The following CDH18 variants were observed in gnomAD, a reference collection of about 807,000 sequenced individuals.
CDH18 encodes cadherin-18.
In CDH18, 31 loss-of-function variants were observed where a neutral mutation model predicts 67.9. The observed-to-expected ratio is 0.46, with a 90% CI of 0.34 to 0.62. The LOEUF is 0.62. CDH18 is among the 20% of genes least tolerant of loss of function. The probability of loss-of-function intolerance (pLI) is 0.01; values close to 1 mark genes in which losing one functional copy is unlikely to be tolerated. For synonymous variants in CDH18, 362 were observed against 347.2 expected, an observed-to-expected ratio of 1.04 and a Z score of -0.48; for missense variants, 890 against 975.5, an observed-to-expected ratio of 0.91 and a Z score of 1.17.
chr5:20,141,084 C>T (rs1467314486), intron 2 of CDH18, among the ~76,000 whole-genome samples: 1 of 152,072 alleles, frequency 6.6e-6, no homozygotes, highest in Admixed American at 6.6e-5. Context: ...CTCTGCATCC[C>T]CAGGAAGAAA....
At chr5:19,681,999 T>C (rs571306326) in intron 5 of CDH18, among the ~76,000 whole-genome samples, 2 of 152,218 alleles carry the variant, frequency 1.3e-5, no homozygotes, top group East Asian at 3.9e-4. Flanking sequence ...AGTTTCTGAG[T>C]AGTTCTTTAA....
At chr5:19,902,329 T>C (rs1790028997) in intron 2 of CDH18, among the ~76,000 whole-genome samples, 1 of 152,138 alleles carries the variant, frequency 6.6e-6, no homozygotes, top group Admixed American at 6.6e-5. Flanking sequence ...AAATCACTTC[T>C]GGGATCCTTA....
At chr5:19,703,821 T>C (rs1262562225) in intron 5 of CDH18, among the ~76,000 whole-genome samples, 1 of 149,056 alleles carries the variant, frequency 6.7e-6, no homozygotes, top group Non-Finnish European at 1.5e-5. Flanking sequence ...TATTAATCAA[T>C]ATGGACTAGG....
intron 2 of CDH18, among the ~76,000 whole-genome samples, chr5:20,063,791 C>A (rs1014902429): frequency 6.6e-6 from 1 of 152,112 alleles, no homozygotes; most frequent in Admixed American, 6.6e-5. Context: ...AATGTACCAA[C>A]CTTATACTTT....
Position 19,811,078 on chromosome 5 carries a change from AAAAGAAAGAAAGAAAGAAAG to A in CDH18, c.228+27661_228+27680del, listed in dbSNP as rs573517217. 2.9e-3 allele frequency among the ~76,000 whole-genome samples: 363 copies of A among 124,880 alleles called. 4 individuals are homozygous for A. The East Asian group carries it at 0.049, about 17-fold the overall frequency. The allele number at this position is 124,880 out of a possible 152,430, so 81.9% of individuals were successfully genotyped here. A position where few individuals can be genotyped will look rare whatever the true frequency, so the allele number is the denominator to read the frequency against. ...AAGGAAAAGGGAAGGGAGAAAGAGAAAAAGAAAGAAAGAAAGAAAGAAAGAAAGAAAGAAAGAAAGAAAGA... is the reference window on the plus strand; with the variant it reads ...AAGGAAAAGGGAAGGGAGAAAGAGAAAAAGAAAGAAAGAAAGAAAGAAAGA... On this transcript the variant is annotated intron_variant, in intron 3 of 12. Transcript: ENST00000382275.
At chr5:20,120,612 A>T (rs1384918470) in intron 2 of CDH18, among the ~76,000 whole-genome samples, 1 of 152,132 alleles carries the variant, frequency 6.6e-6, no homozygotes, top group African/African-American at 2.4e-5. Flanking sequence ...AAGAAATTTC[A>T]TTGGAAAATT....
chr5:19,912,358 T>C (rs775641375), intron 2 of CDH18, among the ~76,000 whole-genome samples: 5 of 152,000 alleles, frequency 3.3e-5, no homozygotes, highest in Non-Finnish European at 7.4e-5. Context: ...GAGATAAAAA[T>C]TGAAGAGCAT....
At chr5:20,095,381 AAAG>A (rs1164973580) in intron 2 of CDH18, among the ~76,000 whole-genome samples, 12 of 124,330 alleles carry the variant, frequency 9.7e-5, no homozygotes, top group South Asian at 2.5e-4. Context: ...GAAAGAAAGA[AAAG>A]AGAAACAGAA....
At chr5:20,572,708 C>T (rs1003665927) in intron 1 of CDH18, among the ~76,000 whole-genome samples, 3 of 152,080 alleles carry the variant, frequency 2.0e-5, no homozygotes, top group East Asian at 1.9e-4. Flanking sequence ...GAAGAAAGAG[C>T]CCCCTAATGG....
chr5:19,553,659 G>C (rs1467677830), intron 8 of CDH18, among the ~76,000 whole-genome samples: 1 of 118,604 alleles, frequency 8.4e-6, no homozygotes, highest in African/African-American at 3.4e-5. Context: ...TTTTTTTTGA[G>C]ACACAGGGTA....
chr5:20,483,987 A>G (rs1414014699), intron 1 of CDH18, among the ~76,000 whole-genome samples: 2 of 152,092 alleles, frequency 1.3e-5, no homozygotes, highest in African/African-American at 4.8e-5. Flanking sequence ...AAACAAAGTG[A>G]AGAGACAATC....
At chr5:20,457,466 A>G (rs1750917690) in intron 1 of CDH18, among the ~76,000 whole-genome samples, 1 of 152,168 alleles carries the variant, frequency 6.6e-6, no homozygotes, top group Non-Finnish European at 1.5e-5. Flanking sequence ...AGATGAGCAA[A>G]TGGACAAAAA....
chr5:19,538,534 G>A (rs1749764286), intron 9 of CDH18, among the ~76,000 whole-genome samples: 1 of 152,080 alleles, frequency 6.6e-6, no homozygotes, highest in South Asian at 2.1e-4. Context: ...ATTTGTAAGA[G>A]TTAATTTACT....
At chr5:19,771,649 T>C (rs997912155) in intron 3 of CDH18, among the ~76,000 whole-genome samples, 1 of 152,320 alleles carries the variant, frequency 6.6e-6, no homozygotes, top group Admixed American at 6.5e-5. Flanking sequence ...GTTTGTTGTT[T>C]TAAGCCACTG....
At chr5:20,215,799 A>G (rs955948098) in intron 2 of CDH18, among the ~76,000 whole-genome samples, 2 of 152,022 alleles carry the variant, frequency 1.3e-5, no homozygotes, top group African/African-American at 4.8e-5. Context: ...CATTCATTAG[A>G]AAAGAATGAG....
intron 2 of CDH18, among the ~76,000 whole-genome samples, chr5:20,060,465 A>G (rs946419521): frequency 3.3e-5 from 5 of 152,208 alleles, no homozygotes; most frequent in South Asian, 2.1e-4. Context: ...TTCTGTCTCA[A>G]AAAAAGAAAA....
chr5:19,708,755 A>G (rs146875654), intron 5 of CDH18, among the ~76,000 whole-genome samples: 2,435 of 152,274 alleles, frequency 0.016, 24 homozygotes, highest in Non-Finnish European at 0.022. Flanking sequence ...TTAATCTATA[A>G]TCTATAGAAA....
At chr5:19,677,646 G>A (rs1388951277) in intron 5 of CDH18, among the ~76,000 whole-genome samples, 2 of 151,638 alleles carry the variant, frequency 1.3e-5, no homozygotes, top group South Asian at 2.1e-4. Flanking sequence ...AGTCCAAAGT[G>A]TATCCTGTCT....
intron 5 of CDH18, among the ~76,000 whole-genome samples, chr5:19,692,037 AGACCAATG>A (rs1418351690): frequency 6.6e-5 from 10 of 152,100 alleles, no homozygotes; most frequent in African/African-American, 2.4e-4. Context: ...ACAGGCACGT[AGACCAATG>A]GAACAGAATA....
Sources: allele counts gnomAD v4.1 joint callset (sites outside exome capture counted in the v4.1 genomes callset), GRCh38; gene constraint gnomAD v4.1.1; transcripts MANE v1.5; gene names NCBI Gene and HGNC (gene_info 2026-07-23, HGNC 2026-07-21).